Variants in MEGF11 observed in about 807,000 individuals in gnomAD.
The protein encoded by MEGF11 is multiple epidermal growth factor-like domains protein 11.
Under a neutral mutation model 146.6 loss-of-function variants are expected in MEGF11, and 126 were observed. The ratio of observed to expected loss-of-function variants is 0.86; its 90% CI spans 0.74 to 1.00. MEGF11 has a LOEUF of 1.00. Among genes scored for constraint, MEGF11 ranks in the 50% least tolerant of loss-of-function variants. MEGF11 has a pLI of 0.00. For synonymous variants in MEGF11, 532 were observed against 583.4 expected, an observed-to-expected ratio of 0.91 and a Z score of 1.27; for missense variants, 1,509 against 1,521.2, an observed-to-expected ratio of 0.99 and a Z score of 0.13.
At chr15:66,134,080 G>A (rs2088778562) in intron 1 of MEGF11, among the ~76,000 whole-genome samples, 1 of 152,116 alleles carries the variant, frequency 6.6e-6, no homozygotes, top group Non-Finnish European at 1.5e-5. Context: ...CATTAATCAG[G>A]GTCAAGAGAC....
intron 5 of MEGF11, among the ~76,000 whole-genome samples, chr15:66,042,257 G>A (rs934859889): frequency 3.3e-5 from 5 of 151,888 alleles, no homozygotes; most frequent in Non-Finnish European, 5.9e-5. Context: ...TTATTGACGC[G>A]CACCACCACA....
chr15:66,202,663 G>A (rs1390430441), intron 1 of MEGF11, among the ~76,000 whole-genome samples: 1 of 152,226 alleles, frequency 6.6e-6, no homozygotes, highest in Admixed American at 6.5e-5. Flanking sequence ...ACAGAATGTC[G>A]AGGAAGTCCT....
intron 1 of MEGF11, among the ~76,000 whole-genome samples, chr15:66,210,063 C>T (rs138001325): frequency 7.5e-4 from 114 of 152,146 alleles, no homozygotes; most frequent in African/African-American, 2.5e-3. Context: ...TGAGTTCAAG[C>T]GATCCTTCTG....
At chr15:66,111,233 A>G (rs996549449) in intron 4 of MEGF11, among the ~76,000 whole-genome samples, 3 of 152,186 alleles carry the variant, frequency 2.0e-5, no homozygotes, top group Non-Finnish European at 4.4e-5. Context: ...GACATTACAC[A>G]ATTGTCATTA....
At chr15:65,928,973 A>G (rs987757412) in intron 12 of MEGF11, among the ~76,000 whole-genome samples, 1 of 152,228 alleles carries the variant, frequency 6.6e-6, no homozygotes, top group Non-Finnish European at 1.5e-5. Flanking sequence ...CAATTCTTAT[A>G]TGCTCATTAG....
chr15:66,236,951 C>G (rs1043567292), intron 1 of MEGF11, among the ~76,000 whole-genome samples: 4 of 152,170 alleles, frequency 2.6e-5, no homozygotes, highest in African/African-American at 9.7e-5. Context: ...TTCTCAGGAC[C>G]CTCCGTGTGC....
Position 65,898,726 on chromosome 15 carries a change from A to G in MEGF11, c.3262+2T>C, listed in dbSNP as rs376096818. 1.2e-6 allele frequency: 2 copies of G among 1,613,310 alleles called. No homozygotes were observed. Among genetic ancestry groups the G allele is most frequent in the Non-Finnish European group, 1.7e-6 (2 of 1,179,674 alleles). Reference sequence around the variant, plus strand: ...ACTAAGTTACTTATTTGAGACACCTACCAACTTCATATATATTTTTATTAG... The same window carrying G: ...ACTAAGTTACTTATTTGAGACACCTGCCAACTTCATATATATTTTTATTAG... On this transcript the variant is annotated splice_donor_variant, in intron 25 of 25. Transcript: ENST00000395614. LOFTEE classifies it high-confidence loss of function.
At chr15:65,999,422 A>AT (rs150300581) in intron 5 of MEGF11, among the ~76,000 whole-genome samples, 3,534 of 152,192 alleles carry the variant, frequency 0.023, 135 homozygotes, top group African/African-American at 0.08. Flanking sequence ...GCTCAGATTA[A>AT]TGCTTCCTCC....
chr15:66,131,574 A>G (rs769034967), intron 1 of MEGF11, among the ~76,000 whole-genome samples: 8 of 152,090 alleles, frequency 5.3e-5, no homozygotes, highest in Non-Finnish European at 1.2e-4. Context: ...GACAGCGGAG[A>G]GCTTGCACTG....
At chr15:66,100,081 G>T (rs2086724939) in intron 4 of MEGF11, among the ~76,000 whole-genome samples, 1 of 152,180 alleles carries the variant, frequency 6.6e-6, no homozygotes, top group Non-Finnish European at 1.5e-5. Context: ...TGCGCTTTGG[G>T]GGGGAAATGT....
At chr15:66,146,181 G>C (rs980348222) in intron 1 of MEGF11, among the ~76,000 whole-genome samples, 25 of 152,144 alleles carry the variant, frequency 1.6e-4, no homozygotes, top group African/African-American at 5.8e-4. Context: ...CTACCTCTAG[G>C]GTGGTTGTAA....
chr15:65,956,485 T>C (rs1325499830), intron 10 of MEGF11, among the ~76,000 whole-genome samples: 4 of 152,106 alleles, frequency 2.6e-5, no homozygotes, highest in African/African-American at 9.7e-5. Flanking sequence ...TGAAGAGAGG[T>C]TGAATCACTG....
intron 21 of MEGF11, among the ~76,000 whole-genome samples, chr15:65,911,147 C>T (rs1046172748): frequency 6.6e-6 from 1 of 152,224 alleles, no homozygotes; most frequent in Admixed American, 6.5e-5. Flanking sequence ...AGGGAAGGTC[C>T]TGTCCAGAAG....
chr15:66,010,302 C>T (rs2140108530), intron 5 of MEGF11, among the ~76,000 whole-genome samples: 1 of 151,602 alleles, frequency 6.6e-6, no homozygotes, highest in Non-Finnish European at 1.5e-5. Flanking sequence ...AAGCAATTCT[C>T]ATGCCTCAGC....
intron 16 of MEGF11, 112 bp from the exon 17 acceptor site, chr15:65,917,068 G>C: frequency 8.4e-7 from 1 of 1,195,938 alleles, no homozygotes; most frequent in Non-Finnish European, 1.1e-6. Context: ...GGACCTGGCT[G>C]ACATTTCCTG....
intron 1 of MEGF11, among the ~76,000 whole-genome samples, chr15:66,239,652 C>T (rs2092168200): frequency 6.6e-6 from 1 of 152,214 alleles, no homozygotes; most frequent in South Asian, 2.1e-4. Flanking sequence ...GAGGGCCAGG[C>T]TCTGGCACAG....
At chr15:65,967,443 A>T (rs894593354) in intron 8 of MEGF11, among the ~76,000 whole-genome samples, 12 of 151,556 alleles carry the variant, frequency 7.9e-5, no homozygotes, top group Admixed American at 1.3e-4. Flanking sequence ...AAAGCAATTT[A>T]AAAAAAAATA....
At chr15:66,141,653 A>G (rs1388220887) in intron 1 of MEGF11, among the ~76,000 whole-genome samples, 1 of 151,990 alleles carries the variant, frequency 6.6e-6, no homozygotes, top group Non-Finnish European at 1.5e-5. Flanking sequence ...TGGTCACATT[A>G]GGGCCTGAGG....
At chr15:66,169,303 G>T (rs185601578) in intron 1 of MEGF11, among the ~76,000 whole-genome samples, 1 of 152,316 alleles carries the variant, frequency 6.6e-6, no homozygotes, top group Non-Finnish European at 1.5e-5. Context: ...TGATCTCCCT[G>T]GCTTCAGCCC....
Sources: gnomAD v4.1 joint callset for allele counts (sites outside exome capture counted in the v4.1 genomes callset) on GRCh38, gnomAD v4.1.1 for gene constraint, MANE v1.5 for transcripts, NCBI Gene and HGNC (gene_info 2026-07-23, HGNC 2026-07-21) for gene names.